The following NKAIN2 variants were observed in gnomAD, a reference collection of about 807,000 sequenced individuals.
The protein encoded by NKAIN2 is sodium/potassium-transporting ATPase subunit beta-1-interacting protein 2.
A neutral mutation model predicts 32.6 loss-of-function variants in NKAIN2; 14 were observed. The ratio of observed to expected loss-of-function variants is 0.43; its 90% confidence interval spans 0.28 to 0.67. The LOEUF (loss-of-function observed/expected upper bound fraction) is 0.67. Ranked by LOEUF, NKAIN2 falls within the 30% of genes least tolerant of loss-of-function variation. NKAIN2 has a pLI of 0.17. For missense variants in NKAIN2, 198 were observed against 258.3 expected, an observed-to-expected ratio of 0.77 and a Z score of 1.60; for synonymous variants, 80 against 87.2, an observed-to-expected ratio of 0.92 and a Z score of 0.46.
At chr6:124,068,860 G>A (rs1052808691) in intron 1 of NKAIN2, among the ~76,000 whole-genome samples, 8 of 152,038 alleles carry the variant, frequency 5.3e-5, no homozygotes, top group African/African-American at 1.7e-4. Context: ...TCCCAAGAAG[G>A]GGCCTTCTGA....
At chr6:124,709,921 T>C (rs1342170358) in intron 4 of NKAIN2, among the ~76,000 whole-genome samples, 1 of 152,176 alleles carries the variant, frequency 6.6e-6, no homozygotes, top group Non-Finnish European at 1.5e-5. Context: ...AATTGTAATG[T>C]TAGGGTGTCA....
chr6:124,102,855 G>A (rs1302143381), intron 1 of NKAIN2, among the ~76,000 whole-genome samples: 3 of 152,064 alleles, frequency 2.0e-5, no homozygotes, highest in African/African-American at 4.8e-5. Context: ...TGTAAGGGGG[G>A]CAATCTGTTG....
chr6:124,632,150 C>T (rs1217019079), intron 3 of NKAIN2, among the ~76,000 whole-genome samples: 2 of 152,132 alleles, frequency 1.3e-5, no homozygotes, highest in Non-Finnish European at 2.9e-5. Flanking sequence ...AATTTGATTA[C>T]AGCTGTGAAC....
At chr6:123,850,342 G>GAAAAA (rs367601380) in intron 1 of NKAIN2, among the ~76,000 whole-genome samples, 42 of 129,058 alleles carry the variant, frequency 3.3e-4, no homozygotes, top group African/African-American at 9.4e-4. Context: ...GCAAGCTGCT[G>GAAAAA]AAAAAAAAAA....
intron 5 of NKAIN2, among the ~76,000 whole-genome samples, chr6:124,806,386 A>C (rs1264598002): frequency 2.0e-5 from 3 of 152,276 alleles, no homozygotes; most frequent in South Asian, 2.1e-4. Flanking sequence ...ATCCAGCCAA[A>C]CTAAGCTTCA....
intron 1 of NKAIN2, among the ~76,000 whole-genome samples, chr6:124,038,632 A>G (rs78087371): frequency 0.013 from 1,980 of 152,246 alleles, 42 homozygotes; most frequent in African/African-American, 0.045. Flanking sequence ...GAAAGACTGT[A>G]TCTAAGTTTT....
At chr6:124,217,612 A>C (rs182081446) in intron 1 of NKAIN2, among the ~76,000 whole-genome samples, 267 of 152,230 alleles carry the variant, frequency 1.8e-3, no homozygotes, top group Middle Eastern at 3.4e-3. Context: ...ACATTTGGTA[A>C]TGTGAAAGCC....
At chr6:124,574,071 T>TA (rs1562263947) in intron 3 of NKAIN2, among the ~76,000 whole-genome samples, 1 of 152,048 alleles carries the variant, frequency 6.6e-6, no homozygotes, top group Non-Finnish European at 1.5e-5. Flanking sequence ...GGGCAATTTT[T>TA]AAAAAAAGAA....
intron 3 of NKAIN2, among the ~76,000 whole-genome samples, chr6:124,422,821 G>A (rs1774816248): frequency 6.6e-6 from 1 of 152,204 alleles, no homozygotes; most frequent in African/African-American, 2.4e-5. Flanking sequence ...GAAAATCACT[G>A]TGAGGTTCTG....
chr6:124,263,294 C>T (rs1794334618), intron 1 of NKAIN2, among the ~76,000 whole-genome samples: 1 of 152,116 alleles, frequency 6.6e-6, no homozygotes, highest in Non-Finnish European at 1.5e-5. Context: ...TTATTAAAAT[C>T]ATGCAGTCAT....
chr6:124,279,510 CAAAAA>C (rs10545991), intron 1 of NKAIN2, among the ~76,000 whole-genome samples: 27 of 78,710 alleles, frequency 3.4e-4, no homozygotes, highest in East Asian at 3.2e-3. Flanking sequence ...GATTCCATCT[CAAAAA>C]AAAAAAAAAA....
intron 3 of NKAIN2, among the ~76,000 whole-genome samples, chr6:124,482,161 T>C (rs1242494923): frequency 6.6e-6 from 1 of 152,170 alleles, no homozygotes; most frequent in East Asian, 1.9e-4. Flanking sequence ...TCTCAAAAAT[T>C]GGATTTATAA....
chr6:124,135,384 C>A (rs1285601058), intron 1 of NKAIN2, among the ~76,000 whole-genome samples: 1 of 151,748 alleles, frequency 6.6e-6, no homozygotes, highest in African/African-American at 2.4e-5. Context: ...AAGAGACTCA[C>A]CTAACACATA....
intron 3 of NKAIN2, among the ~76,000 whole-genome samples, chr6:124,419,016 T>G (rs1186805124): frequency 1.3e-5 from 2 of 152,200 alleles, no homozygotes; most frequent in Non-Finnish European, 2.9e-5. Flanking sequence ...ATCCATTGTC[T>G]GAGTGTCTGC....
intron 3 of NKAIN2, among the ~76,000 whole-genome samples, chr6:124,580,150 A>C (rs1180094372): frequency 6.6e-6 from 1 of 152,216 alleles, no homozygotes; most frequent in Non-Finnish European, 1.5e-5. Context: ...TGAAGGTGCA[A>C]GACTTGCTTG....
At chr6:124,530,588 T>A (rs1779486346) in intron 3 of NKAIN2, among the ~76,000 whole-genome samples, 1 of 152,104 alleles carries the variant, frequency 6.6e-6, no homozygotes, top group Non-Finnish European at 1.5e-5. Context: ...TGTAGACATA[T>A]AAGGAGAGCT....
intron 5 of NKAIN2, among the ~76,000 whole-genome samples, chr6:124,808,072 C>T (rs1780679545): frequency 1.3e-5 from 2 of 151,602 alleles, no homozygotes; most frequent in African/African-American, 4.8e-5. Flanking sequence ...GGAACTGGTA[C>T]CATTCCTTCT....
chr6:123,968,649 CTA>C (rs1237759938), intron 1 of NKAIN2, among the ~76,000 whole-genome samples: 1 of 152,188 alleles, frequency 6.6e-6, no homozygotes, highest in African/African-American at 2.4e-5. Context: ...TTCTGCTACT[CTA>C]TGGCTCACAG....
chr6:124,327,176 GA>G (rs1398435734), intron 2 of NKAIN2, among the ~76,000 whole-genome samples: 1 of 151,818 alleles, frequency 6.6e-6, no homozygotes, highest in African/African-American at 2.4e-5. Context: ...AATTTTTCTG[GA>G]AACATATTTT....
Sources: gnomAD v4.1 joint callset for allele counts (sites outside exome capture counted in the v4.1 genomes callset) on GRCh38, gnomAD v4.1.1 for gene constraint, MANE v1.5 for transcripts, NCBI Gene and HGNC (gene_info 2026-07-23, HGNC 2026-07-21) for gene names.